The following EPB41L5 variants were observed in gnomAD, a reference collection of about 807,000 sequenced individuals.
The protein encoded by EPB41L5 is band 4.1-like protein 5.
Under a neutral mutation model 106.6 loss-of-function variants are expected in EPB41L5, and 55 were observed. That is an observed-to-expected ratio of 0.52 (90% CI 0.42 to 0.65). EPB41L5 has a LOEUF of 0.65. EPB41L5 is among the 30% of genes least tolerant of loss of function. The probability of loss-of-function intolerance (pLI) is 0.00; values close to 1 mark genes in which losing one functional copy is unlikely to be tolerated. For synonymous variants in EPB41L5, 297 were observed against 306.7 expected (o/e 0.97, Z 0.33); for missense variants, 871 against 882.1 (o/e 0.99, Z 0.16).
At chr2:120,081,448 G>A (rs934521495) in intron 10 of EPB41L5, among the ~76,000 whole-genome samples, 47 of 152,180 alleles carry the variant, frequency 3.1e-4, no homozygotes, top group Non-Finnish European at 4.9e-4. Context: ...CGAGGGCTCT[G>A]TTCTGTTCCA....
chr2:120,058,746 A>G (rs1680829440), intron 3 of EPB41L5, among the ~76,000 whole-genome samples: 1 of 152,202 alleles, frequency 6.6e-6, no homozygotes, highest in Admixed American at 6.5e-5. Flanking sequence ...TCAAGGCTAA[A>G]TTGTCTATTT....
At chr2:120,049,075 C>A (rs181853477) in intron 3 of EPB41L5, among the ~76,000 whole-genome samples, 11 of 152,296 alleles carry the variant, frequency 7.2e-5, no homozygotes, top group African/African-American at 2.2e-4. Flanking sequence ...GAGTGCTTTA[C>A]TTCCAACTAT....
At chr2:120,076,335 G>T (rs1682230937) in intron 7 of EPB41L5, among the ~76,000 whole-genome samples, 1 of 151,572 alleles carries the variant, frequency 6.6e-6, no homozygotes, top group African/African-American at 2.4e-5. Flanking sequence ...TTTGAGACAG[G>T]GTCTCACTCT....
At chr2:120,126,482 G>A (rs1685465293) in intron 16 of EPB41L5, among the ~76,000 whole-genome samples, 1 of 152,126 alleles carries the variant, frequency 6.6e-6, no homozygotes, top group East Asian at 1.9e-4. Flanking sequence ...TTTGTGTATA[G>A]TGTGAGGTAG....
intron 3 of EPB41L5, among the ~76,000 whole-genome samples, chr2:120,062,838 A>T (rs895352436): frequency 2.2e-5 from 2 of 92,800 alleles, no homozygotes; most frequent in African/African-American, 3.0e-5. Flanking sequence ...TGAATTTATT[A>T]TTTTGATTCT....
chr2:120,124,435 C>G (rs569774450), intron 16 of EPB41L5, among the ~76,000 whole-genome samples: 1 of 152,090 alleles, frequency 6.6e-6, no homozygotes, highest in Non-Finnish European at 1.5e-5. Context: ...AACCATATGC[C>G]CTTCCACTAG....
intron 1 of EPB41L5, among the ~76,000 whole-genome samples, chr2:120,014,389 G>A (rs2105100055): frequency 6.6e-6 from 1 of 152,318 alleles, no homozygotes; most frequent in Admixed American, 6.5e-5. Context: ...TCATTCTAGT[G>A]TGTCAGGCGA....
chr2:120,013,464 C>G (rs1344269506), intron 1 of EPB41L5: 1 of 152,150 alleles, frequency 6.6e-6, no homozygotes, highest in Non-Finnish European at 1.5e-5. Flanking sequence ...CGGGCCGGGG[C>G]GGAGGGCCCG....
At chr2:120,068,990 A>T (rs1187259754) in intron 3 of EPB41L5, among the ~76,000 whole-genome samples, 3 of 151,660 alleles carry the variant, frequency 2.0e-5, no homozygotes, top group African/African-American at 7.3e-5. Context: ...TAGCCGGGTG[A>T]GGTTGCGCAT....
At position 120,075,762 on chromosome 2, in the gene EPB41L5, T is replaced by G. The variant is rs1185043979; in HGVS notation, c.505+9T>G. On this transcript the variant is annotated intron_variant, in intron 7 of 24. Transcript: ENST00000263713. ...AGCTTATAATCTGCAAGGTAAGCAA[T>G]TCTTATGTTGACTGTTAAGACTCAA... 1 of 1,606,928 alleles carries G rather than the reference T, an allele frequency of 6.2e-7. No homozygotes were observed. The highest frequency in any genetic ancestry group is 8.5e-7 in the Non-Finnish European group (1 of 1,173,652).
chr2:120,064,250 C>T (rs1468540580), intron 3 of EPB41L5, among the ~76,000 whole-genome samples: 3 of 152,182 alleles, frequency 2.0e-5, no homozygotes, highest in Admixed American at 2.0e-4. Context: ...TAATTCAGAG[C>T]ATAAACCTCT....
chr2:120,037,191 C>A (rs576164184), intron 2 of EPB41L5, among the ~76,000 whole-genome samples: 2 of 152,070 alleles, frequency 1.3e-5, no homozygotes, highest in African/African-American at 4.8e-5. Context: ...GAATAAAATG[C>A]TTAGGAATAA....
At chr2:120,082,496 G>C (rs1225076319) in intron 10 of EPB41L5, among the ~76,000 whole-genome samples, 1 of 152,112 alleles carries the variant, frequency 6.6e-6, no homozygotes, top group Non-Finnish European at 1.5e-5. Context: ...TGTGCTCCTG[G>C]ATTCGGTTTG....
At chr2:120,072,823 C>G (rs957571914) in intron 3 of EPB41L5, among the ~76,000 whole-genome samples, 2 of 151,836 alleles carry the variant, frequency 1.3e-5, no homozygotes, top group Non-Finnish European at 2.9e-5. Context: ...GGAGAAATAT[C>G]TAATGTAGAT....
At chr2:120,081,092 T>C (rs1198783471) in intron 10 of EPB41L5, among the ~76,000 whole-genome samples, 2 of 152,238 alleles carry the variant, frequency 1.3e-5, no homozygotes, top group Admixed American at 1.3e-4. Context: ...TCTTTTGCTG[T>C]GCAGAAGCTC....
chr2:120,071,770 A>G (rs1681885562), intron 3 of EPB41L5, among the ~76,000 whole-genome samples: 1 of 152,176 alleles, frequency 6.6e-6, no homozygotes, highest in South Asian at 2.1e-4. Flanking sequence ...CTTATACAGA[A>G]ATTAACTCAA....
intron 2 of EPB41L5, among the ~76,000 whole-genome samples, chr2:120,020,718 G>A (rs1000790476): frequency 6.6e-6 from 1 of 151,930 alleles, no homozygotes; most frequent in Non-Finnish European, 1.5e-5. Flanking sequence ...AGATTGCTGT[G>A]TAAGAGACTG....
intron 3 of EPB41L5, among the ~76,000 whole-genome samples, chr2:120,044,761 A>G (rs186054316): frequency 5.9e-5 from 9 of 152,294 alleles, no homozygotes; most frequent in African/African-American, 2.2e-4. Context: ...CAGGATTAGA[A>G]TATTTAATCC....
intron 3 of EPB41L5, among the ~76,000 whole-genome samples, chr2:120,061,459 G>A (rs953313712): frequency 4.0e-5 from 6 of 151,772 alleles, no homozygotes; most frequent in African/African-American, 9.7e-5. Flanking sequence ...TCCTGACCTC[G>A]TGATCCGCCC....
Sources: gnomAD v4.1 joint callset for allele counts (sites outside exome capture counted in the v4.1 genomes callset) on GRCh38, gnomAD v4.1.1 for gene constraint, MANE v1.5 for transcripts, NCBI Gene and HGNC (gene_info 2026-07-23, HGNC 2026-07-21) for gene names.